Variants in PDE10A observed in about 807,000 individuals in gnomAD.
PDE10A encodes cAMP and cAMP-inhibited cGMP 3',5'-cyclic phosphodiesterase 10A.
Under a neutral mutation model 97.7 loss-of-function variants are expected in PDE10A, and 39 were observed. That is an observed-to-expected ratio of 0.40 (90% CI 0.31 to 0.52). The LOEUF is 0.52. Among genes scored for constraint, PDE10A ranks in the 20% least tolerant of loss-of-function variants. PDE10A has a pLI of 0.56. For synonymous variants in PDE10A, 371 were observed against 376.8 expected, an observed-to-expected ratio of 0.98 and a Z score of 0.18; for missense variants, 731 against 1,047.8, an observed-to-expected ratio of 0.70 and a Z score of 4.17.
At chr6:165,394,435 T>C (rs1473964499) in intron 15 of PDE10A, among the ~76,000 whole-genome samples, 1 of 152,180 alleles carries the variant, frequency 6.6e-6, no homozygotes, top group Non-Finnish European at 1.5e-5. Flanking sequence ...CCATGGTGTG[T>C]ATGTGCCACA....
intron 2 of PDE10A, among the ~76,000 whole-genome samples, chr6:165,487,457 CATA>C (rs1243227977): frequency 6.6e-6 from 1 of 152,148 alleles, no homozygotes; most frequent in Admixed American, 6.5e-5. Flanking sequence ...TATATTACAA[CATA>C]ATAATAATAC....
At chr6:165,804,782 C>A (rs942933016) in intron 1 of PDE10A, among the ~76,000 whole-genome samples, 4 of 150,476 alleles carry the variant, frequency 2.7e-5, no homozygotes, top group Non-Finnish European at 4.4e-5. Context: ...GGGGACTGGG[C>A]GACGGCCCCG....
chr6:165,607,775 G>A (rs1344154303), intron 1 of PDE10A, among the ~76,000 whole-genome samples: 13 of 152,120 alleles, frequency 8.5e-5, no homozygotes, highest in Admixed American at 2.6e-4. Flanking sequence ...AATGCAGCAC[G>A]TGTTTAACAG....
intron 17 of PDE10A, among the ~76,000 whole-genome samples, chr6:165,385,811 C>T (rs1184046917): frequency 6.6e-6 from 1 of 152,132 alleles, no homozygotes; most frequent in Non-Finnish European, 1.5e-5. Flanking sequence ...TCTCTCTGGG[C>T]GTAGCTCAAA....
chr6:165,943,217 A>AAG (rs1380719810), intron 1 of PDE10A, among the ~76,000 whole-genome samples: 1 of 90,998 alleles, frequency 1.1e-5, no homozygotes, highest in African/African-American at 4.8e-5. Flanking sequence ...GAAAGAAAGA[A>AAG]AGAAAGAAAG....
chr6:165,427,763 A>C (rs528831267), intron 10 of PDE10A, among the ~76,000 whole-genome samples: 5 of 152,086 alleles, frequency 3.3e-5, no homozygotes, highest in Admixed American at 1.3e-4. Flanking sequence ...TTATAACTTT[A>C]TATTTTTCTT....
intron 1 of PDE10A, among the ~76,000 whole-genome samples, chr6:165,546,928 C>T (rs1475408645): frequency 6.6e-6 from 1 of 152,044 alleles, no homozygotes; most frequent in Non-Finnish European, 1.5e-5. Context: ...CTAGAAGCAA[C>T]AATATCCCGG....
At chr6:165,358,251 C>G (rs570620794) in intron 18 of PDE10A, among the ~76,000 whole-genome samples, 1 of 151,974 alleles carries the variant, frequency 6.6e-6, no homozygotes, top group Non-Finnish European at 1.5e-5. Flanking sequence ...TTAGCCTTAG[C>G]GAACTTTTAC....
intron 1 of PDE10A, among the ~76,000 whole-genome samples, chr6:165,861,127 C>T (rs1436792897): frequency 6.6e-6 from 1 of 152,340 alleles, no homozygotes; most frequent in East Asian, 1.9e-4. Context: ...TTGCAACCCA[C>T]CAACTGGAAA....
intron 1 of PDE10A, among the ~76,000 whole-genome samples, chr6:165,550,637 G>T (rs545757886): frequency 6.6e-6 from 1 of 152,334 alleles, no homozygotes; most frequent in Non-Finnish European, 1.5e-5. Flanking sequence ...AACAGGTTAA[G>T]ATATTTTTGG....
chr6:165,850,744 T>C, intron 1 of PDE10A, among the ~76,000 whole-genome samples: 1 of 152,198 alleles, frequency 6.6e-6, no homozygotes, highest in Non-Finnish European at 1.5e-5. Flanking sequence ...TTAAGAAGCA[T>C]ATTCAAGATT....
In PDE10A at chr6:165,434,016, CAAAAA is replaced by C. The variant is rs759945561; in HGVS notation, c.1336-892_1336-888del. Among the ~76,000 whole-genome samples the C allele has an allele frequency of 2.9e-3, 160 of 54,550 alleles. 3 individuals carry two copies. The highest frequency in any genetic ancestry group is 0.011 in the African/African-American group (137 of 12,292). The allele number at this position is 54,550 out of a possible 152,430, so 35.8% of individuals were successfully genotyped here. ...TGGGCGACACAGCGAGACTCCGTCT[CAAAAA>C]AAAAAAAAAAAAAAAAAGAAGTAGT... On this transcript the variant is annotated intron_variant, in intron 6 of 21. Transcript: ENST00000539869.
rs1229861064 is a variant in PDE10A at position 165,329,362 on chromosome 6, G to A, written c.*3663C>T. Reference sequence around the variant, plus strand: ...TTCATTCAACTTGATAAAATGAATTGTGCGTTCCTGCAAATATTTTCAATT... The same window carrying A: ...TTCATTCAACTTGATAAAATGAATTATGCGTTCCTGCAAATATTTTCAATT... On this transcript the variant is annotated 3_prime_UTR_variant, in exon 22 of 22. Coordinates refer to ENST00000539869, the MANE Select transcript of PDE10A (RefSeq NM_001385079.1). The A allele has an allele frequency of 1.3e-5, 2 of 152,174 alleles. No homozygotes were observed. The highest frequency in any genetic ancestry group is 2.9e-5 in the Non-Finnish European group (2 of 68,018). 9.4% of individuals were successfully genotyped at this position (152,174 alleles called of 1,614,324 possible). A position where few individuals can be genotyped will look rare whatever the true frequency, so the allele number is the denominator to read the frequency against.
intron 2 of PDE10A, among the ~76,000 whole-genome samples, chr6:165,495,627 T>C (rs1313171617): frequency 6.6e-6 from 1 of 152,214 alleles, no homozygotes; most frequent in Non-Finnish European, 1.5e-5. Context: ...TAAAATAAAA[T>C]CTTGTAGAAA....
At chr6:165,738,754 T>G (rs1792646113) in intron 1 of PDE10A, among the ~76,000 whole-genome samples, 1 of 152,254 alleles carries the variant, frequency 6.6e-6, no homozygotes, top group Non-Finnish European at 1.5e-5. Flanking sequence ...TGCATTTCTC[T>G]GATGGCTGGT....
At chr6:165,845,408 T>C (rs948894953) in intron 1 of PDE10A, among the ~76,000 whole-genome samples, 1 of 152,226 alleles carries the variant, frequency 6.6e-6, no homozygotes, top group Non-Finnish European at 1.5e-5. Context: ...AAGGTCAAGG[T>C]TATGATGGCT....
intron 1 of PDE10A, among the ~76,000 whole-genome samples, chr6:165,595,954 G>C (rs1167488036): frequency 6.6e-6 from 1 of 152,132 alleles, no homozygotes; most frequent in Non-Finnish European, 1.5e-5. Context: ...GGGCTGGGGA[G>C]GACAAATATT....
Position 165,687,094 on chromosome 6 carries a change from G to A in PDE10A, c.-614-143526C>T, listed in dbSNP as rs1213064651. On this transcript the variant is annotated intron_variant, in intron 1 of 19. Coordinates refer to the PDE10A transcript ENST00000366882. ...TTCAGCACATGGAAAACAACTGAGA[G>A]CATGGCTGCTTCCCATCTCCCTCGC... 5.9e-5 allele frequency among the ~76,000 whole-genome samples: 9 copies of A among 152,368 alleles called. No individual in the cohort carries two copies. In the East Asian group the frequency reaches 1.7e-3, roughly 29 times the overall value.
At chr6:165,396,886 C>T (rs1304715029) in intron 13 of PDE10A, among the ~76,000 whole-genome samples, 1 of 152,202 alleles carries the variant, frequency 6.6e-6, no homozygotes, top group Non-Finnish European at 1.5e-5. Flanking sequence ...TTCACCTGCA[C>T]ATCAAATTCA....
Sources: allele counts gnomAD v4.1 joint callset (sites outside exome capture counted in the v4.1 genomes callset), GRCh38; gene constraint gnomAD v4.1.1; transcripts MANE v1.5; gene names NCBI Gene and HGNC (gene_info 2026-07-23, HGNC 2026-07-21).